CTNNA3: variants seen among roughly 807,000 people sequenced by gnomAD.
CTNNA3 encodes the protein catenin alpha 3.
Under a neutral mutation model 95.7 loss-of-function variants are expected in CTNNA3, and 76 were observed. That is an observed-to-expected ratio of 0.79 (90% confidence interval 0.66 to 0.96). The LOEUF (loss-of-function observed/expected upper bound fraction) is 0.96, where lower values mean the gene tolerates loss of function less well. CTNNA3 is among the 40% of genes least tolerant of loss of function. The pLI is 0.00. For synonymous variants in CTNNA3, 431 were observed against 374.4 expected (o/e 1.15, Z -1.74); for missense variants, 1,191 against 1,089.8 (o/e 1.09, Z -1.31).
chr10:66,002,460 T>C lies in CTNNA3; in HGVS notation c.2160-13663A>G, dbSNP rs142489635. Among the ~76,000 whole-genome samples, 226 of 152,318 alleles carry C rather than the reference T, an allele frequency of 1.5e-3. 1 individual carries two copies. The highest frequency in any genetic ancestry group is 3.4e-3 in the Middle Eastern group (1 of 294). On this transcript the variant is annotated intron_variant, in intron 15 of 17. Transcript: ENST00000433211. ...GAGGGAAAATGTTTGTCTGGCATTG[T>C]ATATATTAGTCTCCTTTCTATTTCT... is the stretch of plus-strand genomic sequence containing the variant.
intron 4 of CTNNA3, among the ~76,000 whole-genome samples, chr10:67,537,970 A>T (rs919224958): frequency 2.8e-5 from 4 of 140,850 alleles, no homozygotes; most frequent in Admixed American, 2.1e-4. Context: ...TACTTAAACT[A>T]AAAAAAAAAG....
chr10:66,943,197 C>A (rs371127378), intron 7 of CTNNA3, among the ~76,000 whole-genome samples: 1 of 151,988 alleles, frequency 6.6e-6, no homozygotes, highest in Admixed American at 6.6e-5. Context: ...AGAGCAGAGA[C>A]GAGAAAAGCT....
At chr10:67,239,643 C>CAT (rs1363319188) in intron 5 of CTNNA3, among the ~76,000 whole-genome samples, 1 of 151,996 alleles carries the variant, frequency 6.6e-6, no homozygotes, top group Non-Finnish European at 1.5e-5. Context: ...GTATGTTATA[C>CAT]TTTAATTAAA....
chr10:67,203,680 G>C (rs1396588128), intron 6 of CTNNA3, among the ~76,000 whole-genome samples: 1 of 151,166 alleles, frequency 6.6e-6, no homozygotes, highest in Non-Finnish European at 1.5e-5. Context: ...GATTTTTCTT[G>C]CTTCCATTAA....
intron 11 of CTNNA3, among the ~76,000 whole-genome samples, chr10:66,462,969 T>C (rs1255658683): frequency 6.6e-6 from 1 of 152,198 alleles, no homozygotes; most frequent in Non-Finnish European, 1.5e-5. Flanking sequence ...ATAATTCATT[T>C]ACATTCTTGG....
At chr10:66,140,787 T>C (rs1451774610) in intron 13 of CTNNA3, among the ~76,000 whole-genome samples, 2 of 152,256 alleles carry the variant, frequency 1.3e-5, no homozygotes, top group Non-Finnish European at 2.9e-5. Flanking sequence ...GAAGTAGTTC[T>C]GACTTTTCTT....
chr10:67,367,770 G>A (rs1012770201), intron 5 of CTNNA3, among the ~76,000 whole-genome samples: 26 of 152,176 alleles, frequency 1.7e-4, no homozygotes, highest in African/African-American at 5.8e-4. Flanking sequence ...GCAGCTGGAA[G>A]CCAATATCCT....
intron 7 of CTNNA3, among the ~76,000 whole-genome samples, chr10:66,922,395 T>C (rs1846836601): frequency 6.6e-6 from 1 of 152,252 alleles, no homozygotes; most frequent in Non-Finnish European, 1.5e-5. Context: ...TAAAATCTTT[T>C]AGAACACAGT....
chr10:67,144,283 T>C (rs1230952605), intron 7 of CTNNA3, among the ~76,000 whole-genome samples: 2 of 152,238 alleles, frequency 1.3e-5, no homozygotes. Flanking sequence ...GGGTTTAGCA[T>C]AATTCAAGGG....
intron 5 of CTNNA3, among the ~76,000 whole-genome samples, chr10:67,344,100 G>T (rs1002647305): frequency 2.0e-5 from 3 of 151,708 alleles, no homozygotes; most frequent in African/African-American, 7.3e-5. Flanking sequence ...ATGAATGTAT[G>T]ATTTTTGTCC....
At chr10:67,431,232 G>A (rs1846101682) in intron 5 of CTNNA3, among the ~76,000 whole-genome samples, 1 of 152,006 alleles carries the variant, frequency 6.6e-6, no homozygotes, top group Non-Finnish European at 1.5e-5. Context: ...AAATGGAAAA[G>A]GATGGTGGTT....
At chr10:67,312,126 G>A (rs1222997541) in intron 5 of CTNNA3, among the ~76,000 whole-genome samples, 6 of 149,280 alleles carry the variant, frequency 4.0e-5, no homozygotes, top group African/African-American at 1.2e-4. Flanking sequence ...AGGCTGGAGT[G>A]CAGTGGCACA....
intron 1 of CTNNA3, among the ~76,000 whole-genome samples, chr10:67,714,434 C>T (rs569354777): frequency 6.6e-6 from 1 of 152,320 alleles, no homozygotes; most frequent in Admixed American, 6.5e-5. Flanking sequence ...TGTGTGGGGC[C>T]TGTAGCCCCT....
intron 7 of CTNNA3, among the ~76,000 whole-genome samples, chr10:67,074,866 G>A (rs1856666603): frequency 6.6e-6 from 1 of 152,060 alleles, no homozygotes; most frequent in Non-Finnish European, 1.5e-5. Flanking sequence ...TGTATGAAAA[G>A]CACACATTTG....
chr10:66,004,080 C>A (rs1035479743), intron 15 of CTNNA3, among the ~76,000 whole-genome samples: 2 of 152,168 alleles, frequency 1.3e-5, no homozygotes, highest in Non-Finnish European at 2.9e-5. Flanking sequence ...AAATGAATAG[C>A]AAGGAGTTTA....
At chr10:66,310,963 AG>A (rs2092012248) in intron 12 of CTNNA3, among the ~76,000 whole-genome samples, 1 of 152,172 alleles carries the variant, frequency 6.6e-6, no homozygotes, top group African/African-American at 2.4e-5. Context: ...CTGGGATTAC[AG>A]GTGTGAGTAT....
At chr10:66,857,841 T>A (rs1344987467) in intron 7 of CTNNA3, among the ~76,000 whole-genome samples, 1 of 152,006 alleles carries the variant, frequency 6.6e-6, no homozygotes, top group East Asian at 1.9e-4. Context: ...AGAATCATAT[T>A]GTCTGCAAAC....
intron 9 of CTNNA3, among the ~76,000 whole-genome samples, chr10:66,634,046 T>C (rs1329466272): frequency 6.6e-6 from 1 of 152,124 alleles, no homozygotes; most frequent in African/African-American, 2.4e-5. Flanking sequence ...TCCAAAATGA[T>C]CCTCCCCAAA....
At chr10:66,270,897 A>G (rs1164058783) in intron 13 of CTNNA3, among the ~76,000 whole-genome samples, 1 of 152,182 alleles carries the variant, frequency 6.6e-6, no homozygotes, top group Non-Finnish European at 1.5e-5. Flanking sequence ...AGCAGGGAAG[A>G]GTAGTAGTAG....
Sources: allele counts gnomAD v4.1 joint callset (sites outside exome capture counted in the v4.1 genomes callset), GRCh38; gene constraint gnomAD v4.1.1; transcripts MANE v1.5; gene names NCBI Gene and HGNC (gene_info 2026-07-23, HGNC 2026-07-21).